Variants in ASCC1 observed in about 807,000 individuals in gnomAD.
ASCC1 encodes the protein activating signal cointegrator 1 complex subunit 1.
Under a neutral mutation model 46.6 loss-of-function variants are expected in ASCC1, and 35 were observed. That is an observed-to-expected ratio of 0.75 (90% confidence interval 0.57 to 0.99). The LOEUF (loss-of-function observed/expected upper bound fraction) is 0.99. ASCC1 is among the 50% of genes least tolerant of loss of function. The pLI is 0.00. For missense variants in ASCC1, 376 were observed against 428.7 expected (o/e 0.88, Z 1.09); for synonymous variants, 143 against 146.6 (o/e 0.98, Z 0.18).
intron 9 of ASCC1, among the ~76,000 whole-genome samples, chr10:72,101,471 C>A (rs145202520): frequency 6.6e-6 from 1 of 151,814 alleles, no homozygotes; most frequent in Non-Finnish European, 1.5e-5. Flanking sequence ...AGGTATAGGG[C>A]GTAACACAGA....
intron 7 of ASCC1, among the ~76,000 whole-genome samples, chr10:72,151,237 A>C (rs1848283830): frequency 6.6e-6 from 1 of 152,238 alleles, no homozygotes; most frequent in South Asian, 2.1e-4. Context: ...AAAATGTGGC[A>C]CATATACACC....
At chr10:72,118,563 T>C (rs1426307434) in intron 9 of ASCC1, among the ~76,000 whole-genome samples, 1 of 151,992 alleles carries the variant, frequency 6.6e-6, no homozygotes, top group African/African-American at 2.4e-5. Context: ...GTGGATTACC[T>C]GAGGTCAGGA....
intron 5 of ASCC1, among the ~76,000 whole-genome samples, chr10:72,183,488 T>G (rs916841886): frequency 6.6e-6 from 1 of 151,926 alleles, no homozygotes; most frequent in African/African-American, 2.4e-5. Context: ...CAAAGGCCCA[T>G]CTCTACAAAA....
At chr10:72,111,704 C>G (rs1222916101) in intron 9 of ASCC1, among the ~76,000 whole-genome samples, 1 of 151,898 alleles carries the variant, frequency 6.6e-6, no homozygotes, top group Non-Finnish European at 1.5e-5. Context: ...TGCAATGGTG[C>G]GATCTTGGCT....
chr10:72,152,041 G>T (rs973630014), intron 7 of ASCC1, among the ~76,000 whole-genome samples: 1 of 149,524 alleles, frequency 6.7e-6, no homozygotes, highest in African/African-American at 2.5e-5. Flanking sequence ...ACCCAGGCTG[G>T]AGTGCAGTGG....
chr10:72,152,189 T>G (rs1848438327), intron 7 of ASCC1, among the ~76,000 whole-genome samples: 1 of 150,484 alleles, frequency 6.6e-6, no homozygotes, highest in African/African-American at 2.5e-5. Context: ...TTTTTTTGTT[T>G]TTTGTGTTTT....
chr10:72,188,749 G>C (rs1853900552), intron 5 of ASCC1, among the ~76,000 whole-genome samples: 1 of 152,072 alleles, frequency 6.6e-6, no homozygotes, highest in Non-Finnish European at 1.5e-5. Flanking sequence ...GTACCATGCT[G>C]AGTTCTTTAT....
At chr10:72,212,708 C>T (rs931856577) in intron 2 of ASCC1, among the ~76,000 whole-genome samples, 2 of 152,102 alleles carry the variant, frequency 1.3e-5, no homozygotes, top group Non-Finnish European at 2.9e-5. Context: ...ATTAGCTGGG[C>T]ATCCTGGCAC....
intron 9 of ASCC1, among the ~76,000 whole-genome samples, chr10:72,121,614 T>C (rs1450503769): frequency 6.6e-6 from 1 of 151,688 alleles, no homozygotes; most frequent in Non-Finnish European, 1.5e-5. Context: ...TAATTTCAGA[T>C]GGAGCAAACT....
At chr10:72,110,511 G>T (rs555321213) in intron 9 of ASCC1, among the ~76,000 whole-genome samples, 2 of 152,180 alleles carry the variant, frequency 1.3e-5, no homozygotes, top group South Asian at 4.1e-4. Flanking sequence ...AAATCAGGCC[G>T]GGCGCAGTGG....
chr10:72,127,981 G>C, intron 9 of ASCC1, 101 bp downstream of exon 9: 1 of 935,674 alleles, frequency 1.1e-6, no homozygotes, highest in African/African-American at 1.6e-5. Flanking sequence ...ATGAGAAAAA[G>C]TATGAAGAAG....
chr10:72,206,414 AT>A (rs1857224924), intron 3 of ASCC1, among the ~76,000 whole-genome samples: 1 of 152,218 alleles, frequency 6.6e-6, no homozygotes, highest in Admixed American at 6.5e-5. Context: ...TCAAAAAAAA[AT>A]AAACATTAAA....
chr10:72,106,144 C>A (rs910225943), intron 9 of ASCC1, among the ~76,000 whole-genome samples: 2 of 152,034 alleles, frequency 1.3e-5, no homozygotes, highest in Non-Finnish European at 2.9e-5. Flanking sequence ...GTGCTGGTGG[C>A]CTCGGTGAAC....
intron 7 of ASCC1, among the ~76,000 whole-genome samples, chr10:72,136,381 T>C (rs1846202660): frequency 6.6e-6 from 1 of 152,028 alleles, no homozygotes; most frequent in East Asian, 1.9e-4. Flanking sequence ...AGCTAAAGGA[T>C]TGTAAACGCA....
chr10:72,199,658 T>G (rs887714540), intron 4 of ASCC1, among the ~76,000 whole-genome samples: 2 of 152,056 alleles, frequency 1.3e-5, no homozygotes, highest in Non-Finnish European at 2.9e-5. Flanking sequence ...ATGGTCTCAA[T>G]CTCCTGACCT....
At chr10:72,140,355 G>A (rs552497376) in intron 7 of ASCC1, among the ~76,000 whole-genome samples, 12 of 152,220 alleles carry the variant, frequency 7.9e-5, no homozygotes, top group Non-Finnish European at 1.5e-4. Flanking sequence ...ACTAGATAGT[G>A]GGAGATAAAG....
intron 9 of ASCC1, among the ~76,000 whole-genome samples, chr10:72,126,593 G>C (rs1443778699): frequency 6.6e-6 from 1 of 152,122 alleles, no homozygotes. Flanking sequence ...AACACACAAG[G>C]CTTCAGTTTT....
At chr10:72,178,213 C>T (rs1053443593) in intron 5 of ASCC1, among the ~76,000 whole-genome samples, 1 of 152,180 alleles carries the variant, frequency 6.6e-6, no homozygotes, top group African/African-American at 2.4e-5. Flanking sequence ...TTCACAACAA[C>T]GTTTAACAAT....
At chr10:72,125,559 T>A (rs1844764302) in intron 9 of ASCC1, among the ~76,000 whole-genome samples, 1 of 152,232 alleles carries the variant, frequency 6.6e-6, no homozygotes, top group African/African-American at 2.4e-5. Flanking sequence ...TTCATGGTAA[T>A]GCCAAAAGGT....
Sources: gnomAD v4.1 joint callset for allele counts (sites outside exome capture counted in the v4.1 genomes callset) on GRCh38, gnomAD v4.1.1 for gene constraint, MANE v1.5 for transcripts, NCBI Gene and HGNC (gene_info 2026-07-23, HGNC 2026-07-21) for gene names.